Variants in ANXA6 observed in about 807,000 individuals in gnomAD.
ANXA6 encodes the protein annexin A6, also known as 67 kDa calelectrin.
ANXA6 carries 71 observed loss-of-function variants against 95.4 expected under a neutral mutation model. That is an observed-to-expected ratio of 0.74 (90% CI 0.61 to 0.91). The LOEUF is 0.91. Ranked by LOEUF, ANXA6 falls within the 40% of genes least tolerant of loss-of-function variation. The pLI is 0.00. For synonymous variants in ANXA6, 289 were observed against 315.9 expected, an observed-to-expected ratio of 0.91 and a Z score of 0.90; for missense variants, 830 against 876.4, an observed-to-expected ratio of 0.95 and a Z score of 0.67.
At chr5:151,145,014 TCTC>T (rs1424283290) in intron 2 of ANXA6, among the ~76,000 whole-genome samples, 3 of 152,038 alleles carry the variant, frequency 2.0e-5, no homozygotes, top group Non-Finnish European at 2.9e-5. Flanking sequence ...CACACAGGCT[TCTC>T]CTCACCCACC....
intron 15 of ANXA6, among the ~76,000 whole-genome samples, chr5:151,123,606 G>A (rs575296847): frequency 1.3e-5 from 2 of 152,300 alleles, no homozygotes; most frequent in South Asian, 2.1e-4. Flanking sequence ...ACAGTCCCAG[G>A]CGAGCTTGGC....
chr5:151,104,469 C>A (rs1467693274), intron 24 of ANXA6, among the ~76,000 whole-genome samples: 2 of 152,186 alleles, frequency 1.3e-5, no homozygotes, highest in African/African-American at 2.4e-5. Flanking sequence ...AACGTTTTAC[C>A]CTACCTAGGC....
At chr5:151,119,276 T>C (rs1765092751) in intron 18 of ANXA6, 24 bp downstream of exon 18, 1 of 1,602,406 alleles carries the variant, frequency 6.2e-7, no homozygotes, top group Non-Finnish European at 8.5e-7. Flanking sequence ...TCCCAGCATC[T>C]GGGCCCAGGC....
chr5:151,102,477 G>A (rs1239254419), intron 25 of ANXA6, among the ~76,000 whole-genome samples: 1 of 152,196 alleles, frequency 6.6e-6, no homozygotes, highest in African/African-American at 2.4e-5. Context: ...GCCAAGGCAG[G>A]TGGATCACTT....
At chr5:151,114,347 C>T (rs944742358) in intron 20 of ANXA6, among the ~76,000 whole-genome samples, 20 of 152,198 alleles carry the variant, frequency 1.3e-4, no homozygotes, top group Middle Eastern at 3.4e-3. Context: ...CATGGTGGCT[C>T]ACGCCTGTAA....
intron 2 of ANXA6, among the ~76,000 whole-genome samples, chr5:151,143,371 A>C (rs1052043147): frequency 1.3e-5 from 2 of 152,102 alleles, no homozygotes; most frequent in Admixed American, 1.3e-4. Context: ...GTTTGCCTCT[A>C]TGCCATTTCG....
chr5:151,145,639 G>T (rs989965757), intron 2 of ANXA6, among the ~76,000 whole-genome samples: 2 of 152,202 alleles, frequency 1.3e-5, no homozygotes, highest in Non-Finnish European at 1.5e-5. Context: ...GCATGCATGT[G>T]TGCGTGTGTT....
At chr5:151,133,945 T>C (rs937532594) in intron 8 of ANXA6, among the ~76,000 whole-genome samples, 5 of 152,206 alleles carry the variant, frequency 3.3e-5, no homozygotes, top group Non-Finnish European at 5.9e-5. Flanking sequence ...CATGAGCTCC[T>C]CAACAACAGG....
chr5:151,127,459 G>C (rs1305822944), intron 13 of ANXA6, among the ~76,000 whole-genome samples: 1 of 152,156 alleles, frequency 6.6e-6, no homozygotes, highest in Admixed American at 6.5e-5. Flanking sequence ...CTCCATAAAT[G>C]CATGACTTCG....
intron 15 of ANXA6, among the ~76,000 whole-genome samples, 171 bp downstream of exon 15, chr5:151,124,115 G>A (rs1349038784): frequency 2.0e-5 from 3 of 152,100 alleles, no homozygotes; most frequent in South Asian, 2.1e-4. Flanking sequence ...ACCCTCTCCT[G>A]CCCCTCCTCT....
rs1180691452 is a variant in ANXA6, at chr5:151,139,459, G to A, written c.110-12C>T. The A allele has an allele frequency of 3.1e-6, 5 of 1,601,824 alleles. No homozygotes were observed. Among genetic ancestry groups the A allele is most frequent in the South Asian group, 1.1e-5 (1 of 90,662 alleles). On this transcript the variant is annotated splice_polypyrimidine_tract_variant and intron_variant, in intron 3 of 25. Coordinates refer to ENST00000354546, the MANE Select transcript of ANXA6 (RefSeq NM_001155.5). ...CTCCTTGTCACTGCCTGGAATAGGG[G>A]AGAGCAATCATCATCCTACCCACCC...
At chr5:151,120,919 C>A (rs1309585262) in intron 17 of ANXA6, among the ~76,000 whole-genome samples, 2 of 152,190 alleles carry the variant, frequency 1.3e-5, no homozygotes, top group Admixed American at 1.3e-4. Flanking sequence ...CTCGTCTCCC[C>A]CTAACTCACT....
At chr5:151,118,261 C>CTT (rs11452926) in intron 18 of ANXA6, among the ~76,000 whole-genome samples, 157 of 142,444 alleles carry the variant, frequency 1.1e-3, no homozygotes, top group East Asian at 2.5e-3. Context: ...AAAATGTAAA[C>CTT]TTTTTTTTTT....
intron 24 of ANXA6, among the ~76,000 whole-genome samples, chr5:151,104,681 A>T (rs1437550975): frequency 6.6e-6 from 1 of 152,188 alleles, no homozygotes; most frequent in African/African-American, 2.4e-5. Context: ...GGCTATCTGC[A>T]GTTGAGACTC....
intron 7 of ANXA6, among the ~76,000 whole-genome samples, chr5:151,134,758 G>A (rs963019311): frequency 6.6e-6 from 1 of 152,280 alleles, no homozygotes; most frequent in South Asian, 2.1e-4. Context: ...CAGCCCAGAG[G>A]TAGGCAGAGC....
At chr5:151,140,390 C>T (rs1004781053) in intron 2 of ANXA6, 147 bp from the exon 3 acceptor site, 50 of 686,270 alleles carry the variant, frequency 7.3e-5, no homozygotes, top group African/African-American at 3.6e-4. Flanking sequence ...CCCTGGGGAG[C>T]GGTGTGGATG....
chr5:151,110,711 T>C, intron 20 of ANXA6, 67 bp from the exon 21 acceptor site: 1 of 1,581,120 alleles, frequency 6.3e-7, no homozygotes, highest in Non-Finnish European at 8.7e-7. Flanking sequence ...TTGGGGAGGC[T>C]GGTGCTGGGG....
intron 6 of ANXA6, among the ~76,000 whole-genome samples, chr5:151,136,862 G>A (rs1765678932): frequency 6.6e-6 from 1 of 152,140 alleles, no homozygotes; most frequent in African/African-American, 2.4e-5. Context: ...TTCTTTATAC[G>A]ATTGGTTCCT....
Position 151,109,666 on chromosome 5 carries a change from G to C in ANXA6, c.1684+87C>G, listed in dbSNP as rs960131382. The C allele has an allele frequency of 2.8e-6, 3 of 1,088,080 alleles. No individual in the cohort carries two copies. In the Admixed American group the frequency reaches 6.0e-5, roughly 22 times the overall value. 67.4% of individuals were successfully genotyped at this position (1,088,080 alleles called of 1,614,324 possible). A position where few individuals can be genotyped will look rare whatever the true frequency, so the allele number is the denominator to read the frequency against. On this transcript the variant is annotated intron_variant, in intron 22 of 25. Transcript: ENST00000354546. ...TAAGGAGGAGGTGGGTGGGCAACGG[G>C]CTCCTCTTGCCACAGAGAGCTGAGA...
Sources: allele counts gnomAD v4.1 joint callset (sites outside exome capture counted in the v4.1 genomes callset), GRCh38; gene constraint gnomAD v4.1.1; transcripts MANE v1.5; gene names NCBI Gene and HGNC (gene_info 2026-07-23, HGNC 2026-07-21).